The following NPFFR2 variants were observed in gnomAD, a reference collection of about 807,000 sequenced individuals.
The protein encoded by NPFFR2 is G-protein coupled receptor 74.
A neutral mutation model predicts 13.1 loss-of-function variants in NPFFR2; 15 were observed. The observed-to-expected ratio is 1.15, with a 90% CI of 0.77 to 1.76. The LOEUF (loss-of-function observed/expected upper bound fraction) is 1.76. Ranked by LOEUF, NPFFR2 falls within the 40% of genes most tolerant of loss-of-function variation. NPFFR2 has a pLI of 0.00. For missense variants in NPFFR2, 572 were observed against 503.5 expected, an observed-to-expected ratio of 1.14 and a Z score of -1.30; for synonymous variants, 190 against 175.7, an observed-to-expected ratio of 1.08 and a Z score of -0.65.
At chr4:72,131,290 G>C (rs1403750535) in intron 2 of NPFFR2, among the ~76,000 whole-genome samples, 1 of 151,974 alleles carries the variant, frequency 6.6e-6, no homozygotes, top group Non-Finnish European at 1.5e-5. Context: ...TTTCTAACTA[G>C]TATTTCCTTG....
At position 72,147,432 on chromosome 4, in the gene NPFFR2, A is replaced by G. The variant is rs1317809415; in HGVS notation, c.883A>G (p.Met295Val). The G allele has an allele frequency of 6.2e-7, 1 of 1,614,146 alleles. No homozygotes were observed. The highest frequency in any genetic ancestry group is 8.5e-7 in the Non-Finnish European group (1 of 1,180,028). ...LSWLPLWTLMMLSDYADLSPN... is the reference protein window; with the variant it reads ...LSWLPLWTLMVLSDYADLSPN... ...ATGGCTGCCCCTGTGGACTCTAATG[A>G]TGCTCTCAGACTACGCTGACCTTTC... is the stretch of plus-strand genomic sequence containing the variant. Residue 295 changes from methionine to valine, a missense_variant, in exon 4 of 4, where the codon ATG becomes GTG. Transcript: ENST00000308744.
chr4:72,130,148 A>G (rs978534108), intron 2 of NPFFR2, among the ~76,000 whole-genome samples: 13 of 151,956 alleles, frequency 8.6e-5, no homozygotes, highest in Non-Finnish European at 1.8e-4. Context: ...ACTTCTTTCT[A>G]CACAGACACA....
At chr4:72,051,061 C>T (rs1158041383) in intron 1 of NPFFR2, among the ~76,000 whole-genome samples, 8 of 151,822 alleles carry the variant, frequency 5.3e-5, no homozygotes, top group East Asian at 1.9e-4. Context: ...TGAATAGTGC[C>T]GCAATAAACA....
At chr4:72,086,087 G>A (rs1720762658) in intron 1 of NPFFR2, among the ~76,000 whole-genome samples, 1 of 151,980 alleles carries the variant, frequency 6.6e-6, no homozygotes, top group Non-Finnish European at 1.5e-5. Context: ...ATTAAATAAT[G>A]GATAGAAGAT....
At chr4:72,140,829 A>G (rs941727222) in intron 3 of NPFFR2, among the ~76,000 whole-genome samples, 1 of 152,086 alleles carries the variant, frequency 6.6e-6, no homozygotes, top group Admixed American at 6.6e-5. Flanking sequence ...ATAGTTTCAG[A>G]AGGTATAGTA....
At chr4:72,136,698 A>G (rs1255503001) in intron 2 of NPFFR2, among the ~76,000 whole-genome samples, 1 of 152,176 alleles carries the variant, frequency 6.6e-6, no homozygotes, top group Non-Finnish European at 1.5e-5. Flanking sequence ...ACTTTCGCTT[A>G]ATCCTTCTGC....
chr4:72,033,350 A>G (rs892513346), intron 1 of NPFFR2, among the ~76,000 whole-genome samples: 8 of 152,204 alleles, frequency 5.3e-5, no homozygotes, highest in African/African-American at 1.9e-4. Context: ...TAGATCGATC[A>G]TTTAATAAAA....
chr4:72,033,851 A>G (rs1560389133), intron 1 of NPFFR2, among the ~76,000 whole-genome samples: 1 of 152,222 alleles, frequency 6.6e-6, no homozygotes, highest in Non-Finnish European at 1.5e-5. Context: ...AAACCAATGA[A>G]TGATTTCTTC....
rs139677392 is a variant in NPFFR2, at chr4:72,085,705, G to T, written c.-7-42880G>T. On this transcript the variant is annotated intron_variant, in intron 1 of 3. Coordinates refer to ENST00000308744, the MANE Select transcript of NPFFR2 (RefSeq NM_004885.3). ...TGGGACAATCCAGATGTAAAGAAAT[G>T]CTAGTTATGTAATTTTTAAAAAAGC... Among the ~76,000 whole-genome samples, 801 of 152,206 alleles carry T rather than the reference G, an allele frequency of 5.3e-3. 5 individuals carry two copies. The highest frequency in any genetic ancestry group is 0.018 in the African/African-American group (762 of 41,546).
chr4:72,125,258 A>G (rs550350421), intron 1 of NPFFR2, among the ~76,000 whole-genome samples: 1 of 152,356 alleles, frequency 6.6e-6, no homozygotes, highest in East Asian at 1.9e-4. Context: ...AATTGCAATC[A>G]TTAAAAAGTC....
intron 1 of NPFFR2, among the ~76,000 whole-genome samples, chr4:72,106,363 C>T (rs559550906): frequency 9.9e-5 from 15 of 151,968 alleles, no homozygotes; most frequent in Admixed American, 2.6e-4. Context: ...GGATGAGCGA[C>T]ACATGTGAGT....
At chr4:72,044,007 G>C (rs916516637) in intron 1 of NPFFR2, among the ~76,000 whole-genome samples, 3 of 152,118 alleles carry the variant, frequency 2.0e-5, no homozygotes, top group African/African-American at 7.2e-5. Flanking sequence ...TGAATCACGG[G>C]GGCACTTACT....
intron 1 of NPFFR2, among the ~76,000 whole-genome samples, chr4:72,060,956 A>C (rs1719903214): frequency 6.6e-6 from 1 of 152,190 alleles, no homozygotes; most frequent in South Asian, 2.1e-4. Context: ...TACCTTATAC[A>C]ATATCAGTCA....
At chr4:72,065,663 C>A (rs1307316115) in intron 1 of NPFFR2, among the ~76,000 whole-genome samples, 1 of 152,156 alleles carries the variant, frequency 6.6e-6, no homozygotes, top group African/African-American at 2.4e-5. Flanking sequence ...TGCAGGGCAC[C>A]ATCATTCCTA....
chr4:72,037,856 C>A (rs568590666), intron 1 of NPFFR2, among the ~76,000 whole-genome samples: 59 of 152,244 alleles, frequency 3.9e-4, no homozygotes, highest in African/African-American at 1.4e-3. Context: ...AACTAGTGGC[C>A]CTATGCTTCC....
At chr4:72,082,031 T>G (rs1351035537) in intron 1 of NPFFR2, among the ~76,000 whole-genome samples, 1 of 152,064 alleles carries the variant, frequency 6.6e-6, no homozygotes, top group Non-Finnish European at 1.5e-5. Context: ...AGGGTTGGAG[T>G]AGCTTTAAGT....
At chr4:72,105,784 T>C (rs1214410916) in intron 1 of NPFFR2, among the ~76,000 whole-genome samples, 1 of 152,054 alleles carries the variant, frequency 6.6e-6, no homozygotes, top group Non-Finnish European at 1.5e-5. Context: ...TATTTTTCAG[T>C]ACAATTCCAA....
intron 1 of NPFFR2, among the ~76,000 whole-genome samples, chr4:72,120,630 C>T (rs191550457): frequency 5.9e-5 from 9 of 152,174 alleles, no homozygotes; most frequent in Non-Finnish European, 4.4e-5. Flanking sequence ...TGGAGTGAAC[C>T]TCCAGCAAAC....
In NPFFR2 at chr4:72,147,101, G is replaced by T. The variant is rs762585491; in HGVS notation, c.552G>T (p.Val184=). 6.2e-7 allele frequency: 1 copy of T among 1,614,034 alleles called. No individual in the cohort carries two copies. Among genetic ancestry groups the T allele is most frequent in the Admixed American group, 1.7e-5 (1 of 60,006 alleles). The change falls in exon 4 of 4, where the codon GTG becomes GTT. Residue 184 remains valine (V), a synonymous_variant. Transcript: ENST00000308744. Reference sequence around the variant, plus strand: ...CTCCATCTGCAGTAATGTTACATGTGCAAGAAGAAAAATATTACCGAGTGA... The same window carrying T: ...CTCCATCTGCAGTAATGTTACATGTTCAAGAAGAAAAATATTACCGAGTGA... ...IMSPSAVMLH[V]QEEKYYRVRL...
Sources: allele counts gnomAD v4.1 joint callset (sites outside exome capture counted in the v4.1 genomes callset), GRCh38; gene constraint gnomAD v4.1.1; transcripts MANE v1.5; gene names NCBI Gene and HGNC (gene_info 2026-07-23, HGNC 2026-07-21).